TACR1: variants seen among roughly 807,000 people sequenced by gnomAD.
TACR1 encodes substance-P receptor.
TACR1 carries 25 observed loss-of-function variants against 35.8 expected under a neutral mutation model. The observed-to-expected ratio is 0.70, with a 90% CI of 0.51 to 0.98. TACR1 has a LOEUF of 0.98. Among genes scored for constraint, TACR1 ranks in the 50% least tolerant of loss-of-function variants. The pLI is 0.00. For missense variants in TACR1, 478 were observed against 522.9 expected (o/e 0.91, Z 0.84); for synonymous variants, 195 against 206.7 (o/e 0.94, Z 0.48).
At chr2:75,073,801 C>G (rs552851716) in intron 2 of TACR1, among the ~76,000 whole-genome samples, 19 of 151,502 alleles carry the variant, frequency 1.3e-4, no homozygotes, top group Non-Finnish European at 2.6e-4. Context: ...CTTCCTATAG[C>G]CTCACATAGG....
At chr2:75,050,646 C>T (rs763455879) in intron 4 of TACR1, among the ~76,000 whole-genome samples, 1 of 152,218 alleles carries the variant, frequency 6.6e-6, no homozygotes, top group African/African-American at 2.4e-5. Context: ...CAGGATGGCT[C>T]TCCCCAACCC....
chr2:75,125,276 C>T (rs4853108), intron 1 of TACR1, among the ~76,000 whole-genome samples: 72,211 of 151,804 alleles, frequency 0.48, 17,987 homozygotes, highest in Non-Finnish European at 0.53. Context: ...CTCTGCCTCC[C>T]GGGTTCCAGC....
intron 1 of TACR1, among the ~76,000 whole-genome samples, chr2:75,194,826 T>C (rs898961741): frequency 6.6e-6 from 1 of 152,208 alleles, no homozygotes; most frequent in Admixed American, 6.5e-5. Flanking sequence ...GAAACAGTGA[T>C]ACCAGGCCAG....
intron 2 of TACR1, among the ~76,000 whole-genome samples, chr2:75,065,463 T>C (rs1366386655): frequency 6.6e-6 from 1 of 152,194 alleles, no homozygotes; most frequent in African/African-American, 2.4e-5. Context: ...TCTCAAACCC[T>C]CTAGATGGGT....
chr2:75,099,611 A>C (rs1480260186), intron 2 of TACR1, among the ~76,000 whole-genome samples: 2 of 152,184 alleles, frequency 1.3e-5, no homozygotes, highest in African/African-American at 4.8e-5. Flanking sequence ...GCTGCCCCAG[A>C]GGCTGAACCC....
rs72918549 is a variant in TACR1, at chr2:75,111,348, G to A, written c.584+9226C>T. ...TTGTGAGAAAGGAATCCAGTTTTAT[G>A]GTTAGTCCAGAGTTTCCCCAGAATA... is the stretch of plus-strand genomic sequence containing the variant. On this transcript the variant is annotated intron_variant, in intron 2 of 4. Transcript: ENST00000305249. 3.3e-3 allele frequency among the ~76,000 whole-genome samples: 495 copies of A among 152,074 alleles called. 2 individuals are homozygous for A. Among genetic ancestry groups the A allele is most frequent in the African/African-American group, 0.011 (468 of 41,544 alleles).
At chr2:75,065,822 C>T (rs903839751) in intron 2 of TACR1, among the ~76,000 whole-genome samples, 4 of 152,158 alleles carry the variant, frequency 2.6e-5, no homozygotes, top group Non-Finnish European at 5.9e-5. Context: ...TGGTATTTTA[C>T]ACTTCCTCTC....
chr2:75,113,281 G>T (rs1156591354), intron 2 of TACR1, among the ~76,000 whole-genome samples: 1 of 152,158 alleles, frequency 6.6e-6, no homozygotes, highest in East Asian at 1.9e-4. Context: ...GCTGCCTCCG[G>T]AAGTTGATGG....
intron 1 of TACR1, chr2:75,189,451 A>G (rs1675791602): frequency 6.6e-6 from 1 of 152,250 alleles, no homozygotes; most frequent in South Asian, 2.1e-4. Context: ...GTGCATGTGT[A>G]GTAGTGAGTT....
chr2:75,084,225 A>T (rs1368606510), intron 2 of TACR1, among the ~76,000 whole-genome samples: 2 of 152,240 alleles, frequency 1.3e-5, no homozygotes, highest in Non-Finnish European at 2.9e-5. Flanking sequence ...ATGCTGGATT[A>T]CATTTATTGA....
intron 1 of TACR1, among the ~76,000 whole-genome samples, chr2:75,194,648 T>G (rs1675922765): frequency 6.6e-6 from 1 of 152,194 alleles, no homozygotes. Flanking sequence ...GGTTCCTCTT[T>G]TACATTATCA....
At chr2:75,148,787 A>G (rs1472692504) in intron 1 of TACR1, among the ~76,000 whole-genome samples, 2 of 152,078 alleles carry the variant, frequency 1.3e-5, no homozygotes, top group East Asian at 3.9e-4. Context: ...TCATCATGAA[A>G]TCTTTGCCCA....
chr2:75,148,903 G>T (rs189443719), intron 1 of TACR1, among the ~76,000 whole-genome samples: 1 of 152,262 alleles, frequency 6.6e-6, no homozygotes, highest in African/African-American at 2.4e-5. Flanking sequence ...TTTGTATAAG[G>T]TGTAAGGAAG....
At position 75,183,720 on chromosome 2, in the gene TACR1, G is replaced by A. The variant is rs138649878; in HGVS notation, c.389+14826C>T. 6.0e-3 allele frequency among the ~76,000 whole-genome samples: 906 copies of A among 152,262 alleles called. 8 individuals carry two copies. The highest frequency in any genetic ancestry group is 0.02 in the African/African-American group (838 of 41,538). ...TACACGGCTGGGTTTCTTTCTCTGC[G>A]TTTATATCATTTTCTGGTAGAGCCC... is the stretch of plus-strand genomic sequence containing the variant. On this transcript the variant is annotated intron_variant, in intron 1 of 4. Coordinates refer to ENST00000305249, the MANE Select transcript of TACR1 (RefSeq NM_001058.4).
At chr2:75,081,717 T>C (rs1673090224) in intron 2 of TACR1, among the ~76,000 whole-genome samples, 1 of 152,058 alleles carries the variant, frequency 6.6e-6, no homozygotes, top group Non-Finnish European at 1.5e-5. Context: ...GGCCTCCAGG[T>C]CCACATTAAT....
At chr2:75,164,298 G>A (rs1553382340) in intron 1 of TACR1, among the ~76,000 whole-genome samples, 1 of 148,210 alleles carries the variant, frequency 6.7e-6, no homozygotes, top group Non-Finnish European at 1.5e-5. Flanking sequence ...CTGCACTTCA[G>A]CCTGGGTGAC....
rs776833375 is a variant in TACR1, at chr2:75,049,638, G to A, written c.1018C>T (p.Arg340Trp). 8.7e-6 allele frequency: 14 copies of A among 1,614,022 alleles called. No individual in the cohort carries two copies. The highest frequency in any genetic ancestry group is 3.3e-5 in the South Asian group (3 of 91,088). ...ACACTGCCCTGGGTCTGGAGATACCGGGTGGATTTCATTTCCAGCCCCTCA... is the reference window on the plus strand; with the variant it reads ...ACACTGCCCTGGGTCTGGAGATACCAGGTGGATTTCATTTCCAGCCCCTCA... Reference protein sequence around the residue: ...DYEGLEMKSTRYLQTQGSVYK... With the variant: ...DYEGLEMKSTWYLQTQGSVYK... The change falls in exon 5 of 5, where the codon CGG becomes TGG. Residue 340 changes from arginine (R) to tryptophan (W), a missense_variant. Physicochemically the swap from Arg to Trp is moderately radical, Grantham distance 101. Coordinates refer to ENST00000305249, the MANE Select transcript of TACR1 (RefSeq NM_001058.4).
At position 75,049,298 on chromosome 2, in the gene TACR1, C is replaced by T; in HGVS notation, c.*134G>A. ...TTGACTCAAGGATGGAATGTTTTCC[C>T]TAACCCATACTGACCCTTTTTGCAA... On this transcript the variant is annotated 3_prime_UTR_variant, in exon 5 of 5. Coordinates refer to ENST00000305249, the MANE Select transcript of TACR1 (RefSeq NM_001058.4). The T allele has an allele frequency of 1.0e-6, 1 of 979,016 alleles. No individual in the cohort carries two copies. The highest frequency in any genetic ancestry group is 1.7e-5 in the South Asian group (1 of 58,544). 60.6% of individuals were successfully genotyped at this position (979,016 alleles called of 1,614,324 possible).
rs144536457 is a variant in TACR1, at chr2:75,175,230, G to A, written c.389+23316C>T. ...GCATTTTGTTGTGGGAACCAGGAAC[G>A]CTAGATGTCCTGCAGTGAGTGGTAT... On this transcript the variant is annotated intron_variant, in intron 1 of 4. Transcript: ENST00000305249. Among the ~76,000 whole-genome samples, 166 of 152,286 alleles carry A rather than the reference G, an allele frequency of 1.1e-3. 2 individuals are homozygous for A. In the Middle Eastern group the frequency reaches 0.02, roughly 19 times the overall value.
Sources: gnomAD v4.1 joint callset for allele counts (sites outside exome capture counted in the v4.1 genomes callset) on GRCh38, gnomAD v4.1.1 for gene constraint, MANE v1.5 for transcripts, NCBI Gene and HGNC (gene_info 2026-07-23, HGNC 2026-07-21) for gene names.